The following KCNH1 variants were observed in gnomAD, a reference collection of about 807,000 sequenced individuals.
KCNH1 encodes voltage-gated delayed rectifier potassium channel KCNH1.
In KCNH1, 27 loss-of-function variants were observed where a neutral mutation model predicts 69.2. The observed-to-expected ratio is 0.39, with a 90% CI of 0.29 to 0.54. KCNH1 has a LOEUF of 0.54. Ranked by LOEUF, KCNH1 falls within the 20% of genes least tolerant of loss-of-function variation. KCNH1 has a pLI of 0.68. For synonymous variants in KCNH1, 456 were observed against 487.7 expected, an observed-to-expected ratio of 0.93 and a Z score of 0.86; for missense variants, 798 against 1,261.6, an observed-to-expected ratio of 0.63 and a Z score of 5.57.
At chr1:210,832,000 A>G (rs2102440399) in intron 7 of KCNH1, among the ~76,000 whole-genome samples, 1 of 152,326 alleles carries the variant, frequency 6.6e-6, no homozygotes, top group South Asian at 2.1e-4. Context: ...CAATTTAAAT[A>G]GTTACGTGTG....
intron 1 of KCNH1, among the ~76,000 whole-genome samples, chr1:211,115,017 A>G (rs7532201): frequency 0.73 from 110,865 of 151,734 alleles, 40,705 homozygotes; most frequent in African/African-American, 0.79. Flanking sequence ...TGCCCAGGCT[A>G]GAGTGCAGTG....
At chr1:210,737,101 C>T (rs762461364) in intron 10 of KCNH1, among the ~76,000 whole-genome samples, 2 of 152,178 alleles carry the variant, frequency 1.3e-5, no homozygotes, top group East Asian at 1.9e-4. Flanking sequence ...CTTTTATTTT[C>T]AATCTCATCA....
chr1:210,955,287 C>T lies in KCNH1; in HGVS notation c.1033-35218G>A, dbSNP rs376375630. 4.6e-5 allele frequency among the ~76,000 whole-genome samples: 7 copies of T among 152,300 alleles called. No individual in the cohort carries two copies. In the South Asian group the frequency reaches 6.2e-4, roughly 14 times the overall value. On this transcript the variant is annotated intron_variant, in intron 6 of 10. Transcript: ENST00000271751. The stretch of plus-strand genomic sequence containing the variant: ...TATCTGCTTTGGTACCAGAAGCATG[C>T]TGTTTTCACTACTGTAGCCTTGTAG...
rs752562361 is a variant in KCNH1, at chr1:210,683,245, G to T, written c.*36C>A. On this transcript the variant is annotated 3_prime_UTR_variant, in exon 11 of 11. Transcript: ENST00000271751. This position sits in a 1 kb window ranked among gnomAD's most constrained non-coding sequence, Gnocchi z 5.7. ...GGGTGGTGGTGACGGCAGGGTTGGAGGTATCTGTCTCTGACTTTTTTTTTA... is the reference window on the plus strand; with the variant it reads ...GGGTGGTGGTGACGGCAGGGTTGGATGTATCTGTCTCTGACTTTTTTTTTA... 5.0e-6 allele frequency: 8 copies of T among 1,590,954 alleles called. No homozygotes were observed. Among genetic ancestry groups the T allele is most frequent in the East Asian group, 2.2e-5 (1 of 44,690 alleles).
intron 7 of KCNH1, chr1:210,860,607 A>G (rs1213539420): frequency 7.2e-5 from 59 of 819,288 alleles, no homozygotes; most frequent in Non-Finnish European, 2.2e-5. Flanking sequence ...TTACATTGGT[A>G]AGGTCATCAT....
intron 6 of KCNH1, among the ~76,000 whole-genome samples, chr1:211,008,924 A>C (rs994480898): frequency 1.1e-4 from 17 of 152,236 alleles, no homozygotes; most frequent in Admixed American, 1.0e-3. Flanking sequence ...AAAAGGATAG[A>C]AATTTGTAGT....
At chr1:210,955,396 G>T (rs965195117) in intron 6 of KCNH1, among the ~76,000 whole-genome samples, 2 of 152,078 alleles carry the variant, frequency 1.3e-5, no homozygotes, top group Non-Finnish European at 2.9e-5. Context: ...CTCTTTTTTG[G>T]TTCCATATGA....
intron 3 of KCNH1, among the ~76,000 whole-genome samples, chr1:211,098,965 T>C (rs756126032): frequency 6.6e-6 from 1 of 152,210 alleles, no homozygotes; most frequent in Non-Finnish European, 1.5e-5. Context: ...TTAGTTCACA[T>C]TCCTTGACAC....
rs376582296 is a variant in KCNH1, at chr1:211,038,032, T to C, written c.559-18776A>G. Among the ~76,000 whole-genome samples the C allele has an allele frequency of 8.6e-4, 128 of 148,930 alleles. 1 individual carries two copies. Among genetic ancestry groups the C allele is most frequent in the Admixed American group, 2.1e-3 (31 of 14,614 alleles). On this transcript the variant is annotated intron_variant, in intron 5 of 10. Coordinates refer to ENST00000271751, the MANE Select transcript of KCNH1 (RefSeq NM_172362.3). ...TGGAGTGCAGTGGCGTGATCTCGGC[T>C]CACTGCAAGCTCCACCTCCCAGGTT... is the stretch of plus-strand genomic sequence containing the variant.
intron 7 of KCNH1, among the ~76,000 whole-genome samples, chr1:210,838,943 G>A (rs1018581392): frequency 3.3e-5 from 5 of 152,178 alleles, no homozygotes; most frequent in Non-Finnish European, 4.4e-5. Flanking sequence ...AAAAAGGAAC[G>A]CTTTTACATT....
At chr1:210,861,363 T>C (rs56336842) in intron 7 of KCNH1, 167,444 of 780,212 alleles carry the variant, frequency 0.21, 18,946 homozygotes, top group African/African-American at 0.33. Context: ...TATAACACTT[T>C]CAATAAAACT....
intron 7 of KCNH1, among the ~76,000 whole-genome samples, chr1:210,887,918 C>T (rs1686651984): frequency 6.6e-6 from 1 of 152,060 alleles, no homozygotes; most frequent in Admixed American, 6.6e-5. Flanking sequence ...AAAGCAAGTT[C>T]TAAGAGACCT....
rs75188174 is a variant in KCNH1, at chr1:210,801,009, G to A, written c.1662+2958C>T. 1.7e-3 allele frequency among the ~76,000 whole-genome samples: 265 copies of A among 152,324 alleles called. 2 individuals carry two copies. In the Middle Eastern group the frequency reaches 0.02, roughly 12 times the overall value. On this transcript the variant is annotated intron_variant, in intron 8 of 10. Transcript: ENST00000271751. ...TTCTGAGGATTCCATGAGCTGTTGT[G>A]TGGAATGTCCTGGCATAATGCCTGA...
At chr1:210,895,337 A>T (rs142426428) in intron 7 of KCNH1, among the ~76,000 whole-genome samples, 122 of 152,114 alleles carry the variant, frequency 8.0e-4, no homozygotes, top group Non-Finnish European at 1.1e-3. Context: ...CATGTATGGC[A>T]CACAATGTAG....
chr1:211,058,719 C>G (rs1369938451), intron 5 of KCNH1, among the ~76,000 whole-genome samples: 3 of 151,980 alleles, frequency 2.0e-5, no homozygotes, highest in African/African-American at 7.2e-5. Flanking sequence ...AACAAAATGG[C>G]AGAAGTCCTT....
chr1:210,887,722 C>CAAAAAAAAAAAAAAAAA (rs35066964), intron 7 of KCNH1, among the ~76,000 whole-genome samples: 1 of 55,064 alleles, frequency 1.8e-5, no homozygotes, highest in Non-Finnish European at 3.2e-5. Flanking sequence ...AATGGAAAGC[C>CAAAAAAAAAAAAAAAAA]AAAAAAAAAA....
chr1:210,740,161 C>T (rs1682986464), intron 10 of KCNH1, among the ~76,000 whole-genome samples: 1 of 152,116 alleles, frequency 6.6e-6, no homozygotes, highest in South Asian at 2.1e-4. Context: ...GGCAGGAGGG[C>T]ACAGACAGAT....
intron 7 of KCNH1, among the ~76,000 whole-genome samples, chr1:210,823,741 A>G (rs1574278229): frequency 6.6e-6 from 1 of 152,164 alleles, no homozygotes; most frequent in African/African-American, 2.4e-5. Flanking sequence ...AAATAGAGAG[A>G]GGTCAAGTAA....
At chr1:210,964,283 G>A (rs957028347) in intron 6 of KCNH1, among the ~76,000 whole-genome samples, 1 of 152,170 alleles carries the variant, frequency 6.6e-6, no homozygotes, top group Non-Finnish European at 1.5e-5. Flanking sequence ...AGCTCCTGAA[G>A]GAAGCACTAA....
Sources: allele counts gnomAD v4.1 joint callset (sites outside exome capture counted in the v4.1 genomes callset), GRCh38; gene constraint gnomAD v4.1.1; non-coding constraint Gnocchi (gnomAD v3.1); transcripts MANE v1.5; gene names NCBI Gene and HGNC (gene_info 2026-07-23, HGNC 2026-07-21).